The following DOCK1 variants were observed in gnomAD, a reference collection of about 807,000 sequenced individuals.
DOCK1 encodes dedicator of cytokinesis 1.
A neutral mutation model predicts 262.7 loss-of-function variants in DOCK1; 138 were observed. That is an observed-to-expected ratio of 0.53 (90% CI 0.46 to 0.61). The LOEUF is 0.61. Ranked by LOEUF, DOCK1 falls within the 20% of genes least tolerant of loss-of-function variation. The probability of loss-of-function intolerance (pLI) is 0.00; values close to 1 mark genes in which losing one functional copy is unlikely to be tolerated. For missense variants in DOCK1, 1,908 were observed against 2,370.7 expected, an observed-to-expected ratio of 0.80 and a Z score of 4.05; for synonymous variants, 866 against 867.4, an observed-to-expected ratio of 1.00 and a Z score of 0.03.
chr10:127,036,815 A>G (rs981584049), intron 18 of DOCK1, among the ~76,000 whole-genome samples: 1 of 151,790 alleles, frequency 6.6e-6, no homozygotes, highest in African/African-American at 2.4e-5. Flanking sequence ...CTCCACTAAA[A>G]CTACAAAAAA....
At chr10:127,402,581 T>C in intron 38 of DOCK1, 1 of 495,592 alleles carries the variant, frequency 2.0e-6, no homozygotes, top group Middle Eastern at 3.2e-4. Flanking sequence ...TGCCCTGTTA[T>C]TTCTGATCAT....
At chr10:127,174,587 C>T (rs1379280612) in intron 27 of DOCK1, among the ~76,000 whole-genome samples, 1 of 152,176 alleles carries the variant, frequency 6.6e-6, no homozygotes, top group Non-Finnish European at 1.5e-5. Context: ...ACACATAGGG[C>T]AGCCCGTGGG....
chr10:127,388,568 G>T (rs12357305), intron 38 of DOCK1, among the ~76,000 whole-genome samples: 6,149 of 152,350 alleles, frequency 0.04, 176 homozygotes, highest in Middle Eastern at 0.075. Context: ...GCCTGCACTA[G>T]AGTTTGAACC....
At chr10:127,233,928 T>A (rs1404815254) in intron 27 of DOCK1, among the ~76,000 whole-genome samples, 1 of 152,202 alleles carries the variant, frequency 6.6e-6, no homozygotes, top group East Asian at 1.9e-4. Flanking sequence ...TCTTCAATAA[T>A]AGAACTCTTG....
At chr10:127,302,299 G>A (rs2061708196) in intron 29 of DOCK1, among the ~76,000 whole-genome samples, 1 of 152,148 alleles carries the variant, frequency 6.6e-6, no homozygotes, top group Non-Finnish European at 1.5e-5. Context: ...ATGCTGAGGA[G>A]AGCAGAGTCG....
At chr10:127,055,488 C>T (rs2045080178) in intron 22 of DOCK1, among the ~76,000 whole-genome samples, 1 of 152,154 alleles carries the variant, frequency 6.6e-6, no homozygotes, top group South Asian at 2.1e-4. Context: ...ACCCTACCTG[C>T]AAGGAAGCTG....
intron 23 of DOCK1, among the ~76,000 whole-genome samples, chr10:127,105,346 G>A (rs976930413): frequency 6.6e-6 from 1 of 152,240 alleles, no homozygotes; most frequent in African/African-American, 2.4e-5. Flanking sequence ...TCCTAGCACA[G>A]TGTGCAGCAT....
chr10:127,314,708 A>G (rs900990254), intron 29 of DOCK1, among the ~76,000 whole-genome samples: 1 of 152,218 alleles, frequency 6.6e-6, no homozygotes, highest in Non-Finnish European at 1.5e-5. Flanking sequence ...ATGGGAAGCC[A>G]GTTTTCATAG....
Position 127,409,567 on chromosome 10 carries a change from A to C in DOCK1, c.4343+176A>C, listed in dbSNP as rs559891029. On this transcript the variant is annotated intron_variant, in intron 42 of 51. Coordinates refer to ENST00000623213, the MANE Select transcript of DOCK1 (RefSeq NM_001290223.2). Reference sequence around the variant, plus strand: ...CTAATTATTTTCAGCATCCAAAAAAAGTGACAGGAGATGTTAATCCATGTG... The same window carrying C: ...CTAATTATTTTCAGCATCCAAAAAACGTGACAGGAGATGTTAATCCATGTG... 4.6e-5 allele frequency among the ~76,000 whole-genome samples: 7 copies of C among 152,274 alleles called. No individual in the cohort carries two copies. In the East Asian group the frequency reaches 1.4e-3, roughly 30 times the overall value.
At position 127,415,136 on chromosome 10, in the gene DOCK1, T is replaced by C; in HGVS notation, c.4429-16T>C. On this transcript the variant is annotated splice_polypyrimidine_tract_variant and intron_variant, in intron 43 of 51. Transcript: ENST00000623213. Reference sequence around the variant, plus strand: ...ATCCTTCTAACCCGTGTTGTGTGTGTGTGTTTCCTTTGCAGAATATGTGGA... The same window carrying C: ...ATCCTTCTAACCCGTGTTGTGTGTGCGTGTTTCCTTTGCAGAATATGTGGA... The C allele has an allele frequency of 6.2e-7, 1 of 1,611,292 alleles. No individual in the cohort carries two copies. Among genetic ancestry groups the C allele is most frequent in the Non-Finnish European group, 8.5e-7 (1 of 1,178,180 alleles).
At chr10:127,081,777 A>G (rs1242686649) in intron 23 of DOCK1, among the ~76,000 whole-genome samples, 1 of 152,154 alleles carries the variant, frequency 6.6e-6, no homozygotes, top group Non-Finnish European at 1.5e-5. Flanking sequence ...TCTTTCTAAA[A>G]AAATCACCTT....
Position 127,223,903 on chromosome 10 carries a change from C to T in DOCK1, c.2848-24105C>T, listed in dbSNP as rs1469967052. Among the ~76,000 whole-genome samples, 11 of 152,252 alleles carry T rather than the reference C, an allele frequency of 7.2e-5. No homozygotes were observed. In the East Asian group the frequency reaches 1.9e-3, roughly 27 times the overall value. The stretch of plus-strand genomic sequence containing the variant: ...GGTGGAGCTTGGTTACTTGTCTCAG[C>T]ATCAAGGGACAGGATCAGGGGAAAG... On this transcript the variant is annotated intron_variant, in intron 27 of 51. Transcript: ENST00000623213.
chr10:127,209,383 G>A (rs1384782483), intron 27 of DOCK1, among the ~76,000 whole-genome samples: 2 of 152,186 alleles, frequency 1.3e-5, no homozygotes, highest in Admixed American at 6.5e-5. Context: ...ATCCGAGACT[G>A]GAGATTGAAA....
chr10:127,144,948 G>GT (rs2051652601), intron 27 of DOCK1, among the ~76,000 whole-genome samples: 1 of 151,316 alleles, frequency 6.6e-6, no homozygotes, highest in African/African-American at 2.5e-5. Flanking sequence ...TATGATTATA[G>GT]TTTTTTTAAA....
intron 27 of DOCK1, among the ~76,000 whole-genome samples, chr10:127,142,553 T>C (rs1326839612): frequency 1.3e-5 from 2 of 152,184 alleles, no homozygotes; most frequent in East Asian, 1.9e-4. Flanking sequence ...GCCTTACCTG[T>C]GCGGGGTGTT....
chr10:127,252,385 G>A (rs2059682810), intron 28 of DOCK1, among the ~76,000 whole-genome samples: 1 of 150,458 alleles, frequency 6.6e-6, no homozygotes, highest in African/African-American at 2.4e-5. Context: ...AAGCTCTTTA[G>A]TTTAATTAGA....
chr10:127,319,190 A>G (rs537428042), intron 29 of DOCK1, among the ~76,000 whole-genome samples: 1 of 152,350 alleles, frequency 6.6e-6, no homozygotes, highest in South Asian at 2.1e-4. Flanking sequence ...CAGTAAGAAA[A>G]CTGTTTCCAT....
At chr10:126,945,157 T>C (rs903887237) in intron 1 of DOCK1, among the ~76,000 whole-genome samples, 1 of 152,056 alleles carries the variant, frequency 6.6e-6, no homozygotes, top group Non-Finnish European at 1.5e-5. Context: ...TTTTATCCAG[T>C]TTCTGTGTGG....
At chr10:127,422,158 CTTTTTTTTTTT>C (rs35535729) in intron 46 of DOCK1, among the ~76,000 whole-genome samples, 6 of 61,386 alleles carry the variant, frequency 9.8e-5, no homozygotes, top group East Asian at 9.6e-4. Context: ...TTTTGTTTGT[CTTTTTTTTTTT>C]TTTTTTTTTT....
Sources: gnomAD v4.1 joint callset for allele counts (sites outside exome capture counted in the v4.1 genomes callset) on GRCh38, gnomAD v4.1.1 for gene constraint, MANE v1.5 for transcripts, NCBI Gene and HGNC (gene_info 2026-07-23, HGNC 2026-07-21) for gene names.